Variants in TTLL7 observed in about 807,000 individuals in gnomAD.
TTLL7 encodes the protein tubulin tyrosine ligase like 7, also known as tubulin polyglutamylase TTLL7.
Under a neutral mutation model 120.2 loss-of-function variants are expected in TTLL7, and 53 were observed. The ratio of observed to expected loss-of-function variants is 0.44; its 90% CI spans 0.35 to 0.55. TTLL7 has a LOEUF of 0.55. TTLL7 is among the 20% of genes least tolerant of loss of function. TTLL7 has a pLI of 0.00. For synonymous variants in TTLL7, 353 were observed against 351.7 expected, an observed-to-expected ratio of 1.00 and a Z score of -0.04; for missense variants, 803 against 1,054.7, an observed-to-expected ratio of 0.76 and a Z score of 3.31.
intron 1 of TTLL7, among the ~76,000 whole-genome samples, chr1:83,963,755 C>A (rs1650215044): frequency 6.6e-6 from 1 of 152,108 alleles, no homozygotes; most frequent in Non-Finnish European, 1.5e-5. Context: ...GCTACTATAT[C>A]AGGGGAATAC....
At chr1:83,920,056 T>G (rs1449409806) in intron 12 of TTLL7, among the ~76,000 whole-genome samples, 1 of 152,184 alleles carries the variant, frequency 6.6e-6, no homozygotes, top group Non-Finnish European at 1.5e-5. Context: ...CTTTCTAATG[T>G]GAGTATTTGC....
At chr1:83,948,846 G>A in intron 4 of TTLL7, 151 bp from the exon 5 acceptor site, 1 of 513,224 alleles carries the variant, frequency 1.9e-6, no homozygotes, top group Non-Finnish European at 3.4e-6. Flanking sequence ...GACCTACAGT[G>A]AATTTGTAGA....
intron 14 of TTLL7, among the ~76,000 whole-genome samples, chr1:83,913,458 T>G (rs937762177): frequency 6.6e-6 from 1 of 152,194 alleles, no homozygotes; most frequent in African/African-American, 2.4e-5. Context: ...TTTCTCCTAC[T>G]ACAAGTACCA....
rs936055357 is a variant in TTLL7, at chr1:83,942,770, G to A, written c.507-91C>T. 2.6e-5 allele frequency: 23 copies of A among 885,254 alleles called. No individual in the cohort carries two copies. In the African/African-American group the frequency reaches 3.7e-4, roughly 14 times the overall value. The allele number at this position is 885,254 out of a possible 1,614,324, so 54.8% of individuals were successfully genotyped here. A position where few individuals can be genotyped will look rare whatever the true frequency, so the allele number is the denominator to read the frequency against. ...ATATACTCAAATGGAAAATAGTGGAGTAAGGGACTCCAAAAGTCTGTCCCT... is the reference window on the plus strand; with the variant it reads ...ATATACTCAAATGGAAAATAGTGGAATAAGGGACTCCAAAAGTCTGTCCCT... On this transcript the variant is annotated intron_variant, in intron 6 of 20. Coordinates refer to ENST00000260505, the MANE Select transcript of TTLL7 (RefSeq NM_024686.6).
rs1184571592 is a variant in TTLL7 at position 83,949,136 on chromosome 1, T to G, written c.280-441A>C. Among the ~76,000 whole-genome samples the G allele has an allele frequency of 2.0e-5, 3 of 152,140 alleles. No homozygotes were observed. The East Asian group carries it at 5.8e-4, about 29-fold the overall frequency. On this transcript the variant is annotated intron_variant, in intron 4 of 20. Coordinates refer to ENST00000260505, the MANE Select transcript of TTLL7 (RefSeq NM_024686.6). Reference sequence around the variant, plus strand: ...CTCTCTAGAATTCCTTATATTTGGCTTTTTAGTTTGAGGTCTATTTTCTTC... The same window carrying G: ...CTCTCTAGAATTCCTTATATTTGGCGTTTTAGTTTGAGGTCTATTTTCTTC...
Position 83,883,115 on chromosome 1 carries a change from G to T in TTLL7, c.2391C>A (p.Phe797Leu). Residue 797 changes from phenylalanine (F) to leucine (L), a missense_variant, in exon 20 of 21, where the codon TTC (phenylalanine) becomes TTA (leucine). By Grantham distance (22) the Phe-to-Leu change is conservative (BLOSUM62 0). Around this residue, in one of 3 missense-constraint regions of TTLL7, gnomAD observed 388 missense variants for 450.4 expected, o/e 0.86. Coordinates refer to ENST00000260505, the MANE Select transcript of TTLL7 (RefSeq NM_024686.6). Reference sequence around the variant, plus strand: ...GAGTCACCACCTCCGGGCTTTTATTGAATATACTCTCCCAAGAGGATCTGT... The same window carrying T: ...GAGTCACCACCTCCGGGCTTTTATTTAATATACTCTCCCAAGAGGATCTGT... Reference protein sequence around the residue: ...CDSGSSWESIFNKSPEVVTPL... With the variant: ...CDSGSSWESILNKSPEVVTPL... 1 of 1,606,852 alleles carries T rather than the reference G, an allele frequency of 6.2e-7. No individual in the cohort carries two copies. Among genetic ancestry groups the T allele is most frequent in the Non-Finnish European group, 8.5e-7 (1 of 1,176,892 alleles).
chr1:83,909,769 C>T (rs1230724674), intron 15 of TTLL7, among the ~76,000 whole-genome samples: 1 of 152,052 alleles, frequency 6.6e-6, no homozygotes, highest in African/African-American at 2.4e-5. Flanking sequence ...ACAATGTTAG[C>T]AAATTTTACT....
At chr1:83,936,618 T>C (rs1275079494) in intron 8 of TTLL7, among the ~76,000 whole-genome samples, 1 of 152,194 alleles carries the variant, frequency 6.6e-6, no homozygotes. Flanking sequence ...TATGATCCAA[T>C]TTCTCATTTA....
At chr1:83,970,476 A>G (rs1321864581) in intron 1 of TTLL7, among the ~76,000 whole-genome samples, 1 of 152,144 alleles carries the variant, frequency 6.6e-6, no homozygotes, top group African/African-American at 2.4e-5. Context: ...AAGCACACAG[A>G]CAAAATCCTA....
intron 1 of TTLL7, among the ~76,000 whole-genome samples, chr1:83,968,595 A>T (rs577931967): frequency 6.6e-6 from 1 of 152,212 alleles, no homozygotes; most frequent in East Asian, 1.9e-4. Context: ...TAGGATACTG[A>T]CCTGGAAAAC....
At chr1:83,888,452 G>C (rs950459132) in intron 19 of TTLL7, among the ~76,000 whole-genome samples, 4 of 151,880 alleles carry the variant, frequency 2.6e-5, no homozygotes, top group Non-Finnish European at 1.5e-5. Context: ...AAAAGACTGA[G>C]TCTCCAAATG....
intron 13 of TTLL7, among the ~76,000 whole-genome samples, chr1:83,919,342 G>C (rs1255538010): frequency 1.3e-5 from 2 of 151,234 alleles, no homozygotes; most frequent in African/African-American, 4.9e-5. Flanking sequence ...TCAAGAAAAA[G>C]TATTATGTAA....
chr1:83,946,266 T>C (rs1248106664), intron 6 of TTLL7: 1 of 152,194 alleles, frequency 6.6e-6, no homozygotes, highest in Non-Finnish European at 1.5e-5. Context: ...TTAGCCAGGA[T>C]GGTCTCGATC....
intron 18 of TTLL7, among the ~76,000 whole-genome samples, chr1:83,902,539 A>C (rs1464109958): frequency 1.3e-5 from 2 of 151,950 alleles, no homozygotes; most frequent in Non-Finnish European, 2.9e-5. Flanking sequence ...CTCTGTCCTT[A>C]AAATAATTTC....
At chr1:83,951,110 G>A (rs1648998825) in intron 3 of TTLL7, among the ~76,000 whole-genome samples, 1 of 152,172 alleles carries the variant, frequency 6.6e-6, no homozygotes, top group African/African-American at 2.4e-5. Context: ...AGCACTTTGG[G>A]AGTCCAAGGT....
At chr1:83,939,676 T>C (rs990478501) in intron 7 of TTLL7, among the ~76,000 whole-genome samples, 1 of 152,196 alleles carries the variant, frequency 6.6e-6, no homozygotes, top group Admixed American at 6.5e-5. Context: ...TTTCAAGGAT[T>C]GGCCAACCAC....
At chr1:83,952,714 A>G (rs1241128647) in intron 1 of TTLL7, among the ~76,000 whole-genome samples, 1 of 152,236 alleles carries the variant, frequency 6.6e-6, no homozygotes, top group Non-Finnish European at 1.5e-5. Context: ...TTTATATTAT[A>G]CCATTTAATC....
chr1:83,892,853 T>A (rs1441301316), intron 18 of TTLL7, among the ~76,000 whole-genome samples: 1 of 146,972 alleles, frequency 6.8e-6, no homozygotes, highest in Admixed American at 6.9e-5. Context: ...TATATGAGTA[T>A]ATATATGAAT....
chr1:83,926,113 C>CAAAAAAAAA (rs35184491), intron 10 of TTLL7, among the ~76,000 whole-genome samples: 1 of 127,114 alleles, frequency 7.9e-6, no homozygotes, highest in African/African-American at 3.1e-5. Context: ...GACTCTGTCT[C>CAAAAAAAAA]AAAAAAAAAA....
Sources: allele counts gnomAD v4.1 joint callset (sites outside exome capture counted in the v4.1 genomes callset), GRCh38; gene constraint gnomAD v4.1.1; regional missense constraint gnomAD v4.1.1; transcripts MANE v1.5; gene names NCBI Gene and HGNC (gene_info 2026-07-23, HGNC 2026-07-21).